GRM5: variants seen among roughly 807,000 people sequenced by gnomAD.
The protein encoded by GRM5 is metabotropic glutamate receptor 5.
A neutral mutation model predicts 83.1 loss-of-function variants in GRM5; 19 were observed. That is an observed-to-expected ratio of 0.23 (90% CI 0.16 to 0.34). The LOEUF (loss-of-function observed/expected upper bound fraction) is 0.34, where lower values mean the gene tolerates loss of function less well. Ranked by LOEUF, GRM5 falls within the 10% of genes least tolerant of loss-of-function variation. The pLI is 1.00. For synonymous variants in GRM5, 675 were observed against 633.6 expected, an observed-to-expected ratio of 1.07 and a Z score of -0.98; for missense variants, 1,160 against 1,588.3, an observed-to-expected ratio of 0.73 and a Z score of 4.58.
chr11:89,055,130 T>C (rs1233385515), intron 1 of GRM5, among the ~76,000 whole-genome samples: 1 of 152,234 alleles, frequency 6.6e-6, no homozygotes, highest in Non-Finnish European at 1.5e-5. Context: ...CACATGCTGC[T>C]TCTGATCCCT....
intron 5 of GRM5, among the ~76,000 whole-genome samples, chr11:88,603,259 C>T (rs1481711346): frequency 6.6e-6 from 1 of 152,194 alleles, no homozygotes; most frequent in Non-Finnish European, 1.5e-5. Flanking sequence ...TCTGAGGCAT[C>T]TCCTCCCTCC....
intron 2 of GRM5, among the ~76,000 whole-genome samples, chr11:88,962,737 A>C (rs766860948): frequency 2.6e-5 from 4 of 152,152 alleles, no homozygotes; most frequent in Admixed American, 6.6e-5. Context: ...AATAATCTAG[A>C]AAAAAATAAT....
chr11:88,507,956 G>A lies in GRM5; in HGVS notation c.*636C>T, dbSNP rs1941223063. Reference sequence around the variant, plus strand: ...CAATTGGAGAGGAAAATCTCTGGTAGAAGCCCTACGTAGTACATTAGCGCA... The same window carrying A: ...CAATTGGAGAGGAAAATCTCTGGTAAAAGCCCTACGTAGTACATTAGCGCA... On this transcript the variant is annotated 3_prime_UTR_variant, in exon 10 of 10. Transcript: ENST00000305447. 6.6e-6 allele frequency: 1 copy of A among 152,532 alleles called. No homozygotes were observed. Among genetic ancestry groups the A allele is most frequent in the African/African-American group, 2.4e-5 (1 of 41,450 alleles). The allele number at this position is 152,532 out of a possible 1,614,324, so 9.4% of individuals were successfully genotyped here.
intron 2 of GRM5, among the ~76,000 whole-genome samples, chr11:88,866,199 T>C (rs1944661496): frequency 6.6e-6 from 1 of 152,072 alleles, no homozygotes; most frequent in Non-Finnish European, 1.5e-5. Flanking sequence ...GTGGCACTTA[T>C]ATACCATGGA....
chr11:88,524,088 T>C (rs1941782829), intron 9 of GRM5: 1 of 152,164 alleles, frequency 6.6e-6, no homozygotes. Context: ...AAGAGTTAAG[T>C]CATGGCAAGT....
chr11:88,991,651 G>T (rs1443847914), intron 2 of GRM5, among the ~76,000 whole-genome samples: 2 of 150,228 alleles, frequency 1.3e-5, no homozygotes, highest in Non-Finnish European at 3.0e-5. Flanking sequence ...CATGGTACTG[G>T]TACCAAAACA....
At chr11:88,773,108 C>T (rs1466319307) in intron 3 of GRM5, among the ~76,000 whole-genome samples, 1 of 151,948 alleles carries the variant, frequency 6.6e-6, no homozygotes, top group East Asian at 1.9e-4. Context: ...CTCTCCAGCA[C>T]CTGTTGTTTC....
chr11:88,921,420 G>A (rs975187009), intron 2 of GRM5, among the ~76,000 whole-genome samples: 1 of 152,088 alleles, frequency 6.6e-6, no homozygotes, highest in African/African-American at 2.4e-5. Context: ...TTAGGAGATT[G>A]AGACCATCCT....
chr11:89,005,943 A>G (rs1940512266), intron 2 of GRM5, among the ~76,000 whole-genome samples: 2 of 152,210 alleles, frequency 1.3e-5, no homozygotes, highest in Admixed American at 6.5e-5. Flanking sequence ...AGAATAAAAC[A>G]ACAGGATAAC....
At chr11:88,688,066 A>G (rs1287539862) in intron 3 of GRM5, among the ~76,000 whole-genome samples, 1 of 152,184 alleles carries the variant, frequency 6.6e-6, no homozygotes, top group Middle Eastern at 3.2e-3. Flanking sequence ...ATTTACATTA[A>G]GAGGTCAAGA....
intron 2 of GRM5, among the ~76,000 whole-genome samples, chr11:88,948,824 A>G (rs1482385656): frequency 2.0e-5 from 3 of 152,268 alleles, no homozygotes; most frequent in South Asian, 2.1e-4. Context: ...AAAGGATAAG[A>G]TATGGACCTA....
Position 88,887,039 on chromosome 11 carries a change from T to C in GRM5, c.662-36884A>G, listed in dbSNP as rs541354422. 7.5e-4 allele frequency among the ~76,000 whole-genome samples: 114 copies of C among 152,272 alleles called. 3 individuals are homozygous for C. The South Asian group carries it at 0.023, about 30-fold the overall frequency. ...TTTCCATGAGGCACATCGTTGGTCC[T>C]TTACCCAAACACTCTAGCTAACCAA... is the stretch of plus-strand genomic sequence containing the variant. On this transcript the variant is annotated intron_variant, in intron 2 of 9. Coordinates refer to ENST00000305447, the MANE Select transcript of GRM5 (RefSeq NM_001143831.3).
intron 3 of GRM5, among the ~76,000 whole-genome samples, chr11:88,666,910 T>G (rs548279329): frequency 6.6e-6 from 1 of 152,142 alleles, no homozygotes; most frequent in Non-Finnish European, 1.5e-5. Context: ...TATAAAGCAT[T>G]AAAGAAAAAG....
At chr11:89,059,812 T>G (rs759034592) in intron 1 of GRM5, among the ~76,000 whole-genome samples, 2 of 152,168 alleles carry the variant, frequency 1.3e-5, no homozygotes, top group South Asian at 4.1e-4. Flanking sequence ...GGGATACATG[T>G]GCAGAATGTG....
chr11:88,595,523 A>G (rs1405942321), intron 6 of GRM5, among the ~76,000 whole-genome samples: 1 of 152,118 alleles, frequency 6.6e-6, no homozygotes, highest in Non-Finnish European at 1.5e-5. Flanking sequence ...TCCTTGGCTT[A>G]TTTCACTTCA....
At chr11:88,911,304 T>C (rs1945494330) in intron 2 of GRM5, among the ~76,000 whole-genome samples, 1 of 152,150 alleles carries the variant, frequency 6.6e-6, no homozygotes, top group Non-Finnish European at 1.5e-5. Context: ...AGAACTGTAA[T>C]TGCATAGCTT....
chr11:88,532,846 A>G (rs1450883231), intron 8 of GRM5, among the ~76,000 whole-genome samples: 1 of 152,158 alleles, frequency 6.6e-6, no homozygotes, highest in Non-Finnish European at 1.5e-5. Context: ...TGTAGAAAAA[A>G]GGAGGAAAGA....
intron 2 of GRM5, among the ~76,000 whole-genome samples, chr11:88,892,070 A>G (rs1945154443): frequency 6.6e-6 from 1 of 151,950 alleles, no homozygotes; most frequent in African/African-American, 2.4e-5. Context: ...GTTTCTCTGT[A>G]CCTGGTTCCT....
At chr11:88,820,108 C>G (rs1226953367) in intron 3 of GRM5, among the ~76,000 whole-genome samples, 1 of 151,786 alleles carries the variant, frequency 6.6e-6, no homozygotes. Flanking sequence ...TAAAAATAAG[C>G]CAGTGTACAT....
Sources: gnomAD v4.1 joint callset for allele counts (sites outside exome capture counted in the v4.1 genomes callset) on GRCh38, gnomAD v4.1.1 for gene constraint, MANE v1.5 for transcripts, NCBI Gene and HGNC (gene_info 2026-07-23, HGNC 2026-07-21) for gene names.